Variants in STIM2 observed in about 807,000 individuals in gnomAD.
STIM2 encodes stromal interaction molecule 2.
In STIM2, 31 loss-of-function variants were observed where a neutral mutation model predicts 85.8. The ratio of observed to expected loss-of-function variants is 0.36; its 90% CI spans 0.27 to 0.49. The LOEUF is 0.49. Among genes scored for constraint, STIM2 ranks in the 20% least tolerant of loss-of-function variants. STIM2 has a pLI of 0.98. For synonymous variants in STIM2, 356 were observed against 331.1 expected (o/e 1.08, Z -0.82); for missense variants, 841 against 927.6 (o/e 0.91, Z 1.21).
intron 1 of STIM2, among the ~76,000 whole-genome samples, chr4:26,910,060 T>G (rs1185973145): frequency 6.6e-6 from 1 of 152,216 alleles, no homozygotes; most frequent in Non-Finnish European, 1.5e-5. Context: ...TTTCATTAAA[T>G]TTTCAATAGC....
At position 27,003,032 on chromosome 4, in the gene STIM2, G is replaced by C; in HGVS notation, c.909G>C (p.Arg303=). 6.2e-7 allele frequency: 1 copy of C among 1,604,704 alleles called. No individual in the cohort carries two copies. Among genetic ancestry groups the C allele is most frequent in the Non-Finnish European group, 8.5e-7 (1 of 1,176,676 alleles). Residue 303 remains arginine, a synonymous_variant, in exon 7 of 12, where the codon CGG becomes CGC. Coordinates refer to ENST00000467087, the MANE Select transcript of STIM2 (RefSeq NM_020860.4). ...ATTATGCAAAGGAGGAGGCTTGTCG[G>C]CTGAGAGAGCTAAGGGAGGGAGCTG...
chr4:26,882,060 A>G (rs1352580800), intron 1 of STIM2, among the ~76,000 whole-genome samples: 1 of 152,122 alleles, frequency 6.6e-6, no homozygotes, highest in Non-Finnish European at 1.5e-5. Context: ...TTTCAGTGAA[A>G]TGTCATGTTT....
chr4:26,902,815 C>A (rs1723973148), intron 1 of STIM2, among the ~76,000 whole-genome samples: 1 of 152,092 alleles, frequency 6.6e-6, no homozygotes. Context: ...GAGTTCCAGT[C>A]TACTATGTGG....
intron 10 of STIM2, among the ~76,000 whole-genome samples, chr4:27,016,669 C>T (rs1351528801): frequency 6.6e-6 from 1 of 152,184 alleles, no homozygotes; most frequent in African/African-American, 2.4e-5. Flanking sequence ...GAATTTTACC[C>T]TTTCACTGAG....
At chr4:26,953,255 A>G (rs891835133) in intron 2 of STIM2, among the ~76,000 whole-genome samples, 10 of 152,172 alleles carry the variant, frequency 6.6e-5, no homozygotes, top group South Asian at 2.1e-4. Context: ...AAACCTTCCA[A>G]TATAATCAGA....
chr4:27,014,937 T>A (rs1346656905), intron 10 of STIM2, among the ~76,000 whole-genome samples: 1 of 152,000 alleles, frequency 6.6e-6, no homozygotes, highest in East Asian at 1.9e-4. Context: ...GCTATGCTTT[T>A]TGCCTTTAAG....
At chr4:26,952,314 G>T (rs1353217335) in intron 2 of STIM2, among the ~76,000 whole-genome samples, 1 of 152,062 alleles carries the variant, frequency 6.6e-6, no homozygotes, top group Non-Finnish European at 1.5e-5. Flanking sequence ...GTTGTTTGTA[G>T]ATTTAATTCT....
chr4:26,951,854 G>T (rs1386973782), intron 2 of STIM2, among the ~76,000 whole-genome samples: 1 of 152,118 alleles, frequency 6.6e-6, no homozygotes, highest in African/African-American at 2.4e-5. Flanking sequence ...TCATGTCTAA[G>T]TAATGGATGG....
At chr4:26,919,457 T>G in intron 1 of STIM2, 47 bp from the exon 2 acceptor site, 1 of 1,609,464 alleles carries the variant, frequency 6.2e-7, no homozygotes, top group Non-Finnish European at 8.5e-7. Context: ...AACTATAGCC[T>G]TTGTTTTGGT....
chr4:27,020,464 A>G (rs1017312315), intron 11 of STIM2, among the ~76,000 whole-genome samples: 1 of 152,220 alleles, frequency 6.6e-6, no homozygotes, highest in African/African-American at 2.4e-5. Context: ...TTATAAAAGC[A>G]TTTGAGAATT....
chr4:26,965,777 A>G (rs1392787638), intron 3 of STIM2, among the ~76,000 whole-genome samples: 12 of 152,220 alleles, frequency 7.9e-5, no homozygotes, highest in African/African-American at 2.9e-4. Flanking sequence ...CTTTGAGACA[A>G]TCCTGCCTTC....
At chr4:27,016,169 CTA>C (rs1306016152) in intron 10 of STIM2, among the ~76,000 whole-genome samples, 1 of 151,984 alleles carries the variant, frequency 6.6e-6, no homozygotes, top group Non-Finnish European at 1.5e-5. Context: ...TTCATCAACT[CTA>C]TGTTTTAATG....
intron 3 of STIM2, among the ~76,000 whole-genome samples, chr4:26,973,914 G>T (rs1397945903): frequency 1.3e-5 from 2 of 152,168 alleles, no homozygotes; most frequent in Admixed American, 1.3e-4. Context: ...TTATGAATCT[G>T]GTTGCTCCTG....
chr4:26,983,289 T>A (rs1325417814), intron 3 of STIM2, among the ~76,000 whole-genome samples: 1 of 152,242 alleles, frequency 6.6e-6, no homozygotes, highest in Non-Finnish European at 1.5e-5. Context: ...AAAGGTCCCC[T>A]ATGAATGGGG....
chr4:26,923,389 G>A (rs1030345004), intron 2 of STIM2, among the ~76,000 whole-genome samples: 4 of 151,966 alleles, frequency 2.6e-5, no homozygotes, highest in African/African-American at 9.7e-5. Flanking sequence ...TGATTTTGAC[G>A]AGCTGAGAGA....
At chr4:26,955,799 TTG>T (rs1560218922) in intron 2 of STIM2, among the ~76,000 whole-genome samples, 3 of 151,852 alleles carry the variant, frequency 2.0e-5, no homozygotes, top group African/African-American at 4.8e-5. Context: ...CTCGGCCCAG[TTG>T]CTGTGGAAGT....
chr4:26,944,738 AAATG>A (rs1308847046), intron 2 of STIM2, among the ~76,000 whole-genome samples: 1 of 152,238 alleles, frequency 6.6e-6, no homozygotes, highest in African/African-American at 2.4e-5. Context: ...AATTAACAAT[AAATG>A]AATATCTGTT....
chr4:26,974,561 C>G (rs555097890), intron 3 of STIM2, among the ~76,000 whole-genome samples: 1 of 152,304 alleles, frequency 6.6e-6, no homozygotes, highest in African/African-American at 2.4e-5. Context: ...TGTTGAATAT[C>G]GACCTCCACT....
At chr4:26,951,541 CT>C (rs1400409968) in intron 2 of STIM2, among the ~76,000 whole-genome samples, 1 of 152,028 alleles carries the variant, frequency 6.6e-6, no homozygotes, top group Non-Finnish European at 1.5e-5. Flanking sequence ...TGTTCAGTAT[CT>C]TGAAAACTGT....
Sources: allele counts gnomAD v4.1 joint callset (sites outside exome capture counted in the v4.1 genomes callset), GRCh38; gene constraint gnomAD v4.1.1; transcripts MANE v1.5; gene names NCBI Gene and HGNC (gene_info 2026-07-23, HGNC 2026-07-21).